Variants in FAM228B observed in about 807,000 individuals in gnomAD.
FAM228B encodes protein FAM228B.
FAM228B carries 38 observed loss-of-function variants against 42.6 expected under a neutral mutation model. That is an observed-to-expected ratio of 0.89 (90% CI 0.69 to 1.17). The LOEUF (loss-of-function observed/expected upper bound fraction) is 1.17. FAM228B is among the 50% of genes most tolerant of loss of function. The probability of loss-of-function intolerance (pLI) is 0.00; values close to 1 mark genes in which losing one functional copy is unlikely to be tolerated. For synonymous variants in FAM228B, 109 were observed against 122.3 expected (o/e 0.89, Z 0.72); for missense variants, 344 against 367.3 (o/e 0.94, Z 0.52).
intron 7 of FAM228B, among the ~76,000 whole-genome samples, chr2:24,150,316 G>A (rs1481003510): frequency 6.6e-6 from 1 of 151,846 alleles, no homozygotes; most frequent in Non-Finnish European, 1.5e-5. Flanking sequence ...GCTTTTGTTT[G>A]TCTGGAAAGG....
At chr2:24,122,468 A>C (rs144376590), upstream of FAM228B, 7 of 1,613,934 alleles carry the variant, frequency 4.3e-6, no homozygotes, top group Admixed American at 1.7e-5. Context: ...GATTTTGATG[A>C]GGGCTGCACT....
chr2:24,158,532 G>A (rs1263364831), intron 7 of FAM228B, among the ~76,000 whole-genome samples: 1 of 152,156 alleles, frequency 6.6e-6, no homozygotes, highest in African/African-American at 2.4e-5. Flanking sequence ...AGGAGGGGGT[G>A]AGATGCTGGA....
chr2:24,116,858 T>C (rs889137405), intron 3 of FAM228B, among the ~76,000 whole-genome samples: 1 of 145,930 alleles, frequency 6.9e-6, no homozygotes. Context: ...GCCTGGCTGA[T>C]AGAATGAAAC....
At chr2:24,092,218 CAAAAAAAA>C (rs34189159) in intron 2 of FAM228B, among the ~76,000 whole-genome samples, 1 of 29,994 alleles carries the variant, frequency 3.3e-5, no homozygotes, top group Non-Finnish European at 5.6e-5. Context: ...GACTCTGTCT[CAAAAAAAA>C]AAAAAAAAAA....
chr2:24,168,071 GA>G (rs1411504776), intron 10 of FAM228B: 2 of 204,384 alleles, frequency 9.8e-6, no homozygotes, highest in Admixed American at 1.0e-4. Context: ...AAGAGATACT[GA>G]GACTAAAATT....
Position 24,090,026 on chromosome 2 carries a change from C to G in FAM228B, c.-209-5115C>G, listed in dbSNP as rs547948820. Among the ~76,000 whole-genome samples, 219 of 149,246 alleles carry G rather than the reference C, an allele frequency of 1.5e-3. 3 individuals are homozygous for G. The highest frequency in any genetic ancestry group is 5.2e-3 in the African/African-American group (212 of 40,546). On this transcript the variant is annotated intron_variant, in intron 2 of 10. Coordinates refer to the FAM228B transcript ENST00000613899. ...CAGTGACTCACGCCTGTAATCCCAG[C>G]ACTTTGGGAGGCCAAGGCGGGCGGA...
At chr2:24,090,888 T>C (rs7568176) in intron 2 of FAM228B, among the ~76,000 whole-genome samples, 30 of 152,046 alleles carry the variant, frequency 2.0e-4, no homozygotes, top group Non-Finnish European at 3.5e-4. Flanking sequence ...TATGGCTCAA[T>C]TGAACCTCCC....
intron 2 of FAM228B, 56 bp downstream of exon 2, chr2:24,124,516 G>A: frequency 9.2e-7 from 1 of 1,084,446 alleles, no homozygotes; most frequent in Non-Finnish European, 1.3e-6. Context: ...CGTTGCAGTA[G>A]GAAGTGGCTT....
At chr2:24,121,277 T>C (rs1666109314), upstream of FAM228B, 1 of 1,614,068 alleles carries the variant, frequency 6.2e-7, no homozygotes, top group African/African-American at 1.3e-5. Flanking sequence ...CATTCACCAG[T>C]GTTCGGACAT....
intron 4 of FAM228B, 87 bp from the exon 5 acceptor site, chr2:24,139,283 C>T (rs2151019812): frequency 1.5e-6 from 1 of 648,472 alleles, no homozygotes; most frequent in Admixed American, 3.0e-5. Context: ...AAGAATGATA[C>T]TATGTGTTTG....
At chr2:24,143,655 T>C (rs1666818329) in intron 5 of FAM228B, among the ~76,000 whole-genome samples, 1 of 152,248 alleles carries the variant, frequency 6.6e-6, no homozygotes, top group Non-Finnish European at 1.5e-5. Context: ...AAAACAGTGT[T>C]ACTCTTCTCA....
chr2:24,081,362 A>G (rs1664993717), intron 2 of FAM228B, among the ~76,000 whole-genome samples: 1 of 152,166 alleles, frequency 6.6e-6, no homozygotes, highest in Admixed American at 6.5e-5. Flanking sequence ...ACCAAAATGC[A>G]CATCTCTGAC....
chr2:24,138,182 C>A, intron 4 of FAM228B, 82 bp downstream of exon 4: 1 of 1,050,512 alleles, frequency 9.5e-7, no homozygotes, highest in Non-Finnish European at 1.4e-6. Context: ...TTCAGTCAGT[C>A]TGTCCCTGTC....
rs1664806595 is a variant in FAM228B at position 24,077,562 on chromosome 2, T to C, written c.-290+593T>C. ...AAAGGCCTGGGGTGGCCGCGTCCTG[T>C]CCTGCCCCATCCTCCTTCACTGGGG... On this transcript the variant is annotated intron_variant, in intron 1 of 10. Transcript: ENST00000613899. This position sits in a 1 kb window ranked among gnomAD's most constrained non-coding sequence, Gnocchi z 5.5. 1 of 1,608,996 alleles carries C rather than the reference T, an allele frequency of 6.2e-7. No homozygotes were observed. The highest frequency in any genetic ancestry group is 1.7e-5 in the Admixed American group (1 of 59,532).
At chr2:24,125,431 ACAT>A (rs1430139030) in intron 2 of FAM228B, among the ~76,000 whole-genome samples, 3 of 152,182 alleles carry the variant, frequency 2.0e-5, no homozygotes, top group Non-Finnish European at 4.4e-5. Context: ...ACACACGAAA[ACAT>A]CACCACAATC....
intron 3 of FAM228B, among the ~76,000 whole-genome samples, chr2:24,109,803 G>A (rs897852927): frequency 6.6e-6 from 1 of 152,220 alleles, no homozygotes; most frequent in African/African-American, 2.4e-5. Context: ...GCGAGGTTGT[G>A]GAGAAAAGAG....
chr2:24,116,747 G>A (rs758754062), intron 3 of FAM228B, among the ~76,000 whole-genome samples: 6 of 151,856 alleles, frequency 4.0e-5, no homozygotes, highest in Non-Finnish European at 8.8e-5. Flanking sequence ...CCAGCTACTT[G>A]GGAGGCTGAG....
chr2:24,132,405 C>T (rs577162828), intron 2 of FAM228B, among the ~76,000 whole-genome samples: 4 of 148,900 alleles, frequency 2.7e-5, no homozygotes, highest in East Asian at 2.0e-4. Context: ...AGGAATGGTA[C>T]GAGCCCTTCT....
chr2:24,110,537 C>T lies in FAM228B; in HGVS notation c.-121+15308C>T, dbSNP rs542212134. Among the ~76,000 whole-genome samples, 216 of 152,284 alleles carry T rather than the reference C, an allele frequency of 1.4e-3. 1 individual carries two copies. The highest frequency in any genetic ancestry group is 5.1e-3 in the African/African-American group (212 of 41,556). ...CATAACAGAAGCCCATATAAAAACC[C>T]TGGAACAACAAGGTTTGGAGAGAGA... is the stretch of plus-strand genomic sequence containing the variant. On this transcript the variant is annotated intron_variant, in intron 3 of 10. Transcript: ENST00000613899.
Sources: allele counts gnomAD v4.1 joint callset (sites outside exome capture counted in the v4.1 genomes callset), GRCh38; gene constraint gnomAD v4.1.1; non-coding constraint Gnocchi (gnomAD v3.1); transcripts MANE v1.5; gene names NCBI Gene and HGNC (gene_info 2026-07-23, HGNC 2026-07-21).